Variants in CCDC178 observed in about 807,000 individuals in gnomAD.
CCDC178 encodes coiled-coil domain-containing protein 178.
In CCDC178, 126 loss-of-function variants were observed where a neutral mutation model predicts 117.4. The ratio of observed to expected loss-of-function variants is 1.07; its 90% CI spans 0.93 to 1.24. The LOEUF (loss-of-function observed/expected upper bound fraction) is 1.24. CCDC178 is among the 50% of genes most tolerant of loss of function. The pLI, the probability that CCDC178 is intolerant of heterozygous loss-of-function variation, is 0.00. For synonymous variants in CCDC178, 283 were observed against 313.4 expected (o/e 0.90, Z 1.02); for missense variants, 1,030 against 986.9 (o/e 1.04, Z -0.59).
chr18:33,014,315 G>C (rs7228503), intron 21 of CCDC178, among the ~76,000 whole-genome samples: 17,630 of 152,200 alleles, frequency 0.12, 1,530 homozygotes, highest in African/African-American at 0.24. Context: ...GTAAACAAGC[G>C]CATGCTTAGA....
intron 21 of CCDC178, among the ~76,000 whole-genome samples, chr18:33,013,044 T>C (rs981249959): frequency 2.6e-5 from 4 of 152,206 alleles, no homozygotes; most frequent in Non-Finnish European, 5.9e-5. Context: ...ACATAATTAA[T>C]TTTTAGTGAA....
intron 2 of CCDC178, among the ~76,000 whole-genome samples, chr18:33,426,605 C>A (rs958130040): frequency 1.3e-5 from 2 of 152,170 alleles, no homozygotes; most frequent in African/African-American, 2.4e-5. Flanking sequence ...TTTACTCTTC[C>A]TTTCCTTAGG....
intron 21 of CCDC178, among the ~76,000 whole-genome samples, chr18:33,055,686 C>T (rs1567960024): frequency 6.6e-6 from 1 of 152,076 alleles, no homozygotes; most frequent in African/African-American, 2.4e-5. Context: ...TTTGCCTATA[C>T]AATGAAGCTA....
At chr18:33,119,671 C>A (rs955988272) in intron 20 of CCDC178, among the ~76,000 whole-genome samples, 3 of 152,128 alleles carry the variant, frequency 2.0e-5, no homozygotes, top group Non-Finnish European at 2.9e-5. Flanking sequence ...TTGACCCAGC[C>A]ATCCCATTAC....
At position 33,293,250 on chromosome 18, in the gene CCDC178, T is replaced by C. The variant is rs779765291; in HGVS notation, c.1085A>G (p.Asn362Ser). 6.4e-7 allele frequency: 1 copy of C among 1,555,170 alleles called. No individual in the cohort carries two copies. The highest frequency in any genetic ancestry group is 2.3e-5 in the East Asian group (1 of 44,310). The change falls in exon 12 of 23, where the codon AAT becomes AGT. Residue 362 changes from asparagine (N) to serine (S), a missense_variant. Transcript: ENST00000383096. ...CTCTTCCTTCTCCTCAATATTAGTA[T>C]TAACATTTATCACTGATGAAGAGTA... is the stretch of plus-strand genomic sequence containing the variant. ...DHYSSSVINV[N>S]TNIEEKEEEV...
intron 2 of CCDC178, among the ~76,000 whole-genome samples, chr18:33,415,131 A>G (rs2063916715): frequency 6.6e-6 from 1 of 152,238 alleles, no homozygotes; most frequent in South Asian, 2.1e-4. Context: ...ACCATTGTGG[A>G]AGATAGCGTG....
chr18:32,999,338 G>C (rs1171502857), intron 21 of CCDC178, among the ~76,000 whole-genome samples: 1 of 152,176 alleles, frequency 6.6e-6, no homozygotes, highest in Admixed American at 6.5e-5. Context: ...GCACCAGATA[G>C]ATTCCTAAGG....
At chr18:33,313,023 A>G (rs1332814144) in intron 11 of CCDC178, among the ~76,000 whole-genome samples, 3 of 152,212 alleles carry the variant, frequency 2.0e-5, no homozygotes, top group East Asian at 3.9e-4. Flanking sequence ...AGGTTATCCT[A>G]TAGTCTCTCT....
At chr18:33,140,482 C>A (rs548631450) in intron 20 of CCDC178, among the ~76,000 whole-genome samples, 2 of 152,226 alleles carry the variant, frequency 1.3e-5, no homozygotes, top group South Asian at 4.1e-4. Context: ...TCAGTGTGAC[C>A]CGGATGTGAG....
chr18:32,941,675 A>G (rs2054242191), intron 22 of CCDC178, among the ~76,000 whole-genome samples: 1 of 152,198 alleles, frequency 6.6e-6, no homozygotes, highest in Non-Finnish European at 1.5e-5. Context: ...ACTTGACTGA[A>G]TGCCAACAGT....
intron 6 of CCDC178, 97 bp from the exon 7 acceptor site, chr18:33,356,443 T>A (rs1310404514): frequency 2.6e-6 from 3 of 1,159,210 alleles, no homozygotes; most frequent in Non-Finnish European, 3.5e-6. Flanking sequence ...ACTTTACATA[T>A]CTCTACTTCA....
chr18:33,259,652 C>CA (rs1568095569), intron 14 of CCDC178, among the ~76,000 whole-genome samples: 2 of 151,426 alleles, frequency 1.3e-5, no homozygotes, highest in African/African-American at 4.8e-5. Flanking sequence ...ATTCAATCAC[C>CA]CCCCCCCACC....
At chr18:33,164,677 G>C (rs1269499764) in intron 20 of CCDC178, among the ~76,000 whole-genome samples, 3 of 151,640 alleles carry the variant, frequency 2.0e-5, no homozygotes, top group Non-Finnish European at 4.4e-5. Flanking sequence ...AATTAAAAAA[G>C]AGATGGATTC....
intron 3 of CCDC178, among the ~76,000 whole-genome samples, chr18:33,402,687 C>T (rs1300150186): frequency 1.3e-5 from 2 of 152,162 alleles, no homozygotes; most frequent in Non-Finnish European, 2.9e-5. Flanking sequence ...CTTATCTATT[C>T]AGTGGTTCTT....
At chr18:33,044,758 T>C (rs2056612652) in intron 21 of CCDC178, among the ~76,000 whole-genome samples, 1 of 152,130 alleles carries the variant, frequency 6.6e-6, no homozygotes, top group South Asian at 2.1e-4. Flanking sequence ...CTGGAATCAA[T>C]TGAAGTCTCC....
intron 6 of CCDC178, among the ~76,000 whole-genome samples, chr18:33,364,397 C>G (rs1378475116): frequency 2.0e-5 from 3 of 151,900 alleles, no homozygotes; most frequent in African/African-American, 7.3e-5. Context: ...GAATTAGATA[C>G]TAAATATAGA....
At chr18:33,088,452 GATTT>G (rs1433838122) in intron 21 of CCDC178, among the ~76,000 whole-genome samples, 5 of 151,774 alleles carry the variant, frequency 3.3e-5, no homozygotes, top group Admixed American at 6.6e-5. Context: ...GATCTTCTTT[GATTT>G]ATTTCTTTCA....
chr18:33,232,917 C>G (rs2059383698), intron 15 of CCDC178, among the ~76,000 whole-genome samples: 1 of 152,018 alleles, frequency 6.6e-6, no homozygotes, highest in South Asian at 2.1e-4. Flanking sequence ...TATAATTTAT[C>G]TTAATACTCA....
At chr18:33,351,315 C>T (rs2062977267) in intron 7 of CCDC178, among the ~76,000 whole-genome samples, 1 of 152,060 alleles carries the variant, frequency 6.6e-6, no homozygotes, top group South Asian at 2.1e-4. Flanking sequence ...GCTTCAGCCT[C>T]CCAAGTAGCT....
Sources: gnomAD v4.1 joint callset for allele counts (sites outside exome capture counted in the v4.1 genomes callset) on GRCh38, gnomAD v4.1.1 for gene constraint, MANE v1.5 for transcripts, NCBI Gene and HGNC (gene_info 2026-07-23, HGNC 2026-07-21) for gene names.